CACNB4: variants seen among roughly 807,000 people sequenced by gnomAD.
The protein encoded by CACNB4 is voltage-dependent L-type calcium channel subunit beta-4.
In CACNB4, 32 loss-of-function variants were observed where a neutral mutation model predicts 71.2. The ratio of observed to expected loss-of-function variants is 0.45; its 90% CI spans 0.34 to 0.60. The LOEUF is 0.60. CACNB4 is among the 20% of genes least tolerant of loss of function. CACNB4 has a pLI of 0.01. For synonymous variants in CACNB4, 231 were observed against 236.9 expected, an observed-to-expected ratio of 0.97 and a Z score of 0.23; for missense variants, 464 against 647.9, an observed-to-expected ratio of 0.72 and a Z score of 3.08.
chr2:152,073,852 G>C (rs538595402), intron 2 of CACNB4, among the ~76,000 whole-genome samples: 1 of 152,086 alleles, frequency 6.6e-6, no homozygotes, highest in Non-Finnish European at 1.5e-5. Context: ...ACAATGCAAC[G>C]GCCTCATCTA....
At chr2:151,881,478 C>T (rs996129127) in intron 3 of CACNB4, among the ~76,000 whole-genome samples, 5 of 152,206 alleles carry the variant, frequency 3.3e-5, no homozygotes, top group East Asian at 1.9e-4. Context: ...CTCTAGCTAA[C>T]GAAGCTGGTT....
intron 2 of CACNB4, among the ~76,000 whole-genome samples, chr2:151,901,252 G>A (rs566636168): frequency 1.3e-5 from 2 of 152,062 alleles, no homozygotes; most frequent in East Asian, 3.9e-4. Context: ...TGCAGTGTTA[G>A]AATTACAGGT....
rs774452757 is a variant in CACNB4, at chr2:151,876,439, G to C, written c.508C>G (p.Arg170Gly). The C allele has an allele frequency of 6.3e-7, 1 of 1,594,400 alleles. No homozygotes were observed. Among genetic ancestry groups the C allele is most frequent in the Non-Finnish European group, 8.6e-7 (1 of 1,167,960 alleles). Reference sequence around the variant, plus strand: ...ATGGGAACGTACCCTCCGTGAAAACGTCCTCTTTTTTGTTCTTGCTGGATC... The same window carrying C: ...ATGGGAACGTACCCTCCGTGAAAACCTCCTCTTTTTTGTTCTTGCTGGATC... ...IRIQQEQKRG[R>G]FHGGKSSGNS... The change falls in exon 5 of 14, where the codon CGT becomes GGT. Residue 170 changes from arginine to glycine, a missense_variant. Physicochemically the swap from Arg to Gly is moderately radical, Grantham distance 125. Around this residue, in one of 3 missense-constraint regions of CACNB4, gnomAD observed 299 missense variants for 471.7 expected, o/e 0.63. Coordinates refer to ENST00000539935, the MANE Select transcript of CACNB4 (RefSeq NM_000726.5).
At chr2:152,055,835 A>C (rs1685693693) in intron 2 of CACNB4, among the ~76,000 whole-genome samples, 1 of 152,286 alleles carries the variant, frequency 6.6e-6, no homozygotes, top group East Asian at 1.9e-4. Context: ...AGGAGGAAGG[A>C]GACAGAAACT....
chr2:151,885,216 G>A (rs143174243), intron 2 of CACNB4, among the ~76,000 whole-genome samples: 2,123 of 152,308 alleles, frequency 0.014, 29 homozygotes, highest in Non-Finnish European at 0.023. Flanking sequence ...GAAGTTACTG[G>A]ACCACTCTGA....
chr2:152,098,761 G>A lies in CACNB4; in HGVS notation c.63+188C>T, dbSNP rs530934040. The stretch of plus-strand genomic sequence containing the variant: ...GAAGGAGGGTGAGGAGGAGGAGGAA[G>A]AGAAGGAGGAGAAAGAGGAGGAGCG... On this transcript the variant is annotated intron_variant, in intron 1 of 13. Coordinates refer to ENST00000539935, the MANE Select transcript of CACNB4 (RefSeq NM_000726.5). This position sits in a 1 kb window ranked among gnomAD's most constrained non-coding sequence, Gnocchi z 5.3. The A allele has an allele frequency of 1.3e-4, 186 of 1,391,402 alleles. No homozygotes were observed. In the East Asian group the frequency reaches 3.1e-3, roughly 24 times the overall value. 86.2% of individuals were successfully genotyped at this position (1,391,402 alleles called of 1,614,324 possible).
chr2:151,957,933 G>T (rs1002990611), intron 2 of CACNB4, among the ~76,000 whole-genome samples: 1 of 152,166 alleles, frequency 6.6e-6, no homozygotes, highest in African/African-American at 2.4e-5. Context: ...GAAAAAAATG[G>T]ATTCTGAGAT....
At position 152,099,026 on chromosome 2, in the gene CACNB4, G is replaced by C; in HGVS notation, c.-15C>G. ...GAGGAGGACATCGTTCAGAGCCGCC[G>C]CATGGCCAGCCCGTGTGCGGTGGGC... On this transcript the variant is annotated 5_prime_UTR_variant, in exon 1 of 14. Coordinates refer to ENST00000539935, the MANE Select transcript of CACNB4 (RefSeq NM_000726.5). The C allele has an allele frequency of 6.6e-7, 1 of 1,515,496 alleles. No homozygotes were observed. Among genetic ancestry groups the C allele is most frequent in the South Asian group, 1.3e-5 (1 of 79,698 alleles). 93.9% of individuals were successfully genotyped at this position (1,515,496 alleles called of 1,614,324 possible). A position where few individuals can be genotyped will look rare whatever the true frequency, so the allele number is the denominator to read the frequency against.
rs368747445 is a variant in CACNB4, at chr2:152,024,125, G to A, written c.147+74205C>T. Among the ~76,000 whole-genome samples the A allele has an allele frequency of 1.2e-3, 176 of 152,288 alleles. 1 individual carries two copies. Among genetic ancestry groups the A allele is most frequent in the African/African-American group, 4.1e-3 (172 of 41,564 alleles). ...GCTTGAGGCCAGGAGGTCAAGACCA[G>A]CCTGGGTAATATAATGAGACCTGTC... is the stretch of plus-strand genomic sequence containing the variant. On this transcript the variant is annotated intron_variant, in intron 2 of 13. Transcript: ENST00000539935.
intron 2 of CACNB4, among the ~76,000 whole-genome samples, chr2:151,897,646 C>G (rs905261807): frequency 3.3e-5 from 5 of 152,232 alleles, no homozygotes; most frequent in African/African-American, 7.2e-5. Context: ...GAGGTGGTTA[C>G]TCATACGAGA....
chr2:152,001,830 G>A (rs926369745), intron 2 of CACNB4, among the ~76,000 whole-genome samples: 2 of 152,144 alleles, frequency 1.3e-5, no homozygotes, highest in Admixed American at 6.5e-5. Flanking sequence ...GGCTCTTATG[G>A]GCTGTGGAAT....
Position 152,098,525 on chromosome 2 carries a change from G to A in CACNB4, c.64-112C>T. The A allele has an allele frequency of 7.3e-7, 1 of 1,362,768 alleles. No homozygotes were observed. Among genetic ancestry groups the A allele is most frequent in the South Asian group, 1.2e-5 (1 of 85,000 alleles). The allele number at this position is 1,362,768 out of a possible 1,614,324, so 84.4% of individuals were successfully genotyped here. ...CGGACCCGCTCCCTGGGGTCCCCTA[G>A]AGCCCGCACCCAAGTCTCCTCCGCG... On this transcript the variant is annotated intron_variant, in intron 1 of 13. Coordinates refer to ENST00000539935, the MANE Select transcript of CACNB4 (RefSeq NM_000726.5). The surrounding 1 kb of genome is among the most constrained non-coding windows in gnomAD (Gnocchi z 5.3).
chr2:152,072,384 A>C (rs1231695631), intron 2 of CACNB4, among the ~76,000 whole-genome samples: 2 of 152,246 alleles, frequency 1.3e-5, no homozygotes, highest in Admixed American at 6.5e-5. Context: ...TGAATATTAA[A>C]TTTTAAGGAA....
intron 13 of CACNB4, among the ~76,000 whole-genome samples, chr2:151,840,564 G>C (rs111950130): frequency 6.6e-6 from 1 of 152,174 alleles, no homozygotes; most frequent in Non-Finnish European, 1.5e-5. Context: ...ATCAGCCCAT[G>C]GGAAGTGAAA....
intron 2 of CACNB4, among the ~76,000 whole-genome samples, chr2:152,080,153 G>A (rs565067916): frequency 5.3e-5 from 8 of 150,924 alleles, no homozygotes; most frequent in East Asian, 1.9e-4. Flanking sequence ...GCGGAGTCTC[G>A]CTCTGTCGCC....
At chr2:151,948,244 G>T (rs1195896666) in intron 2 of CACNB4, among the ~76,000 whole-genome samples, 1 of 152,226 alleles carries the variant, frequency 6.6e-6, no homozygotes, top group Non-Finnish European at 1.5e-5. Flanking sequence ...TCAAAAGGCA[G>T]TGAGTGGCAT....
In CACNB4 at chr2:152,098,886, G is replaced by T; in HGVS notation, c.63+63C>A. On this transcript the variant is annotated intron_variant, in intron 1 of 13. Coordinates refer to ENST00000539935, the MANE Select transcript of CACNB4 (RefSeq NM_000726.5). This position sits in a 1 kb window ranked among gnomAD's most constrained non-coding sequence, Gnocchi z 5.3. ...CGGCACGAAGGCGGGGCGCGCTAGG[G>T]CGGCGGAGGAGGTGTGAGGAAGGAA... 7.9e-7 allele frequency: 1 copy of T among 1,258,426 alleles called. No individual in the cohort carries two copies. The highest frequency in any genetic ancestry group is 1.1e-6 in the Non-Finnish European group (1 of 922,934). The allele number at this position is 1,258,426 out of a possible 1,614,324, so 78.0% of individuals were successfully genotyped here. A position where few individuals can be genotyped will look rare whatever the true frequency, so the allele number is the denominator to read the frequency against.
chr2:152,084,160 A>G (rs577793853), intron 2 of CACNB4, among the ~76,000 whole-genome samples: 3 of 152,294 alleles, frequency 2.0e-5, no homozygotes, highest in Admixed American at 2.0e-4. Flanking sequence ...CAGAGGCTGA[A>G]TGATGTCTGT....
chr2:151,914,139 G>A (rs984280784), intron 2 of CACNB4, among the ~76,000 whole-genome samples: 16 of 151,960 alleles, frequency 1.1e-4, no homozygotes, highest in Admixed American at 6.6e-4. Context: ...GTCTTTTTAC[G>A]AATTCCCATA....
Sources: gnomAD v4.1 joint callset for allele counts (sites outside exome capture counted in the v4.1 genomes callset) on GRCh38, gnomAD v4.1.1 for gene constraint, gnomAD v4.1.1 regional missense constraint, Gnocchi (gnomAD v3.1) non-coding constraint, MANE v1.5 for transcripts, NCBI Gene and HGNC (gene_info 2026-07-23, HGNC 2026-07-21) for gene names.